Variants in NRG1 observed in about 807,000 individuals in gnomAD.
NRG1 encodes the protein neuregulin 1, also known as pro-neuregulin-1, membrane-bound isoform.
In NRG1, 18 loss-of-function variants were observed where a neutral mutation model predicts 63.8. The observed-to-expected ratio is 0.28, with a 90% confidence interval of 0.19 to 0.42. The LOEUF is 0.42. Ranked by LOEUF, NRG1 falls within the 10% of genes least tolerant of loss-of-function variation. The pLI is 1.00. For synonymous variants in NRG1, 302 were observed against 301.3 expected, an observed-to-expected ratio of 1.00 and a Z score of -0.02; for missense variants, 762 against 814.7, an observed-to-expected ratio of 0.94 and a Z score of 0.79.
At chr8:32,290,344 T>C (rs1256562384) in intron 1 of NRG1, among the ~76,000 whole-genome samples, 2 of 151,910 alleles carry the variant, frequency 1.3e-5, no homozygotes, top group African/African-American at 4.8e-5. Context: ...TATACAATTA[T>C]ATATATATAC....
chr8:32,629,715 T>TA lies in NRG1; in HGVS notation c.502+12830_502+12831insA, dbSNP rs1401688089. Among the ~76,000 whole-genome samples, 5 of 152,326 alleles carry TA rather than the reference T, an allele frequency of 3.3e-5. No homozygotes were observed. In the East Asian group the frequency reaches 9.6e-4, roughly 29 times the overall value. On this transcript the variant is annotated intron_variant, in intron 5 of 11. Coordinates refer to ENST00000356819, the Ensembl canonical transcript of NRG1. ...TTACATCTGGAAGATTTTTTTCATT[T>TA]TATCATAAATACTTGTTTTCATGGT...
At chr8:31,692,813 A>C (rs1809661791) in intron 1 of NRG1, among the ~76,000 whole-genome samples, 1 of 152,196 alleles carries the variant, frequency 6.6e-6, no homozygotes, top group Non-Finnish European at 1.5e-5. Context: ...GCTCAGGACC[A>C]AAAAGAGCCC....
exon 6 of NRG1, chr8:32,728,064 G>A (rs768024564): frequency 9.9e-6 from 16 of 1,613,832 alleles, no homozygotes; most frequent in East Asian, 6.7e-5. Flanking sequence ...CAAACCCCTC[G>A]AGATACTTGT....
chr8:32,044,930 AACAC>A (rs1554610210), intron 1 of NRG1, among the ~76,000 whole-genome samples: 1 of 137,034 alleles, frequency 7.3e-6, no homozygotes, highest in African/African-American at 2.8e-5. Flanking sequence ...AAAAAAAAAA[AACAC>A]ACACACACAA....
chr8:31,852,650 T>C (rs1205633220), intron 1 of NRG1, among the ~76,000 whole-genome samples: 1 of 151,818 alleles, frequency 6.6e-6, no homozygotes, highest in African/African-American at 2.4e-5. Context: ...TTTGTTGCCA[T>C]TGCTTTTGGT....
intron 6 of NRG1, among the ~76,000 whole-genome samples, chr8:32,733,658 C>CT (rs1487455150): frequency 6.6e-6 from 1 of 152,012 alleles, no homozygotes; most frequent in African/African-American, 2.4e-5. Flanking sequence ...TTGCCAGGCA[C>CT]TTTTTAAAAC....
intron 1 of NRG1, among the ~76,000 whole-genome samples, chr8:31,697,534 A>G (rs887723912): frequency 7.2e-5 from 11 of 152,144 alleles, no homozygotes; most frequent in Admixed American, 3.3e-4. Context: ...AAGAACATAT[A>G]TAATATTTTT....
chr8:32,700,882 G>C (rs1034314229), intron 5 of NRG1, among the ~76,000 whole-genome samples: 3 of 151,458 alleles, frequency 2.0e-5, no homozygotes, highest in Admixed American at 2.0e-4. Context: ...CTTCCCTTTA[G>C]ACCCTTGTCA....
chr8:32,247,734 T>G (rs1360570632), intron 1 of NRG1, among the ~76,000 whole-genome samples: 1 of 152,022 alleles, frequency 6.6e-6, no homozygotes, highest in South Asian at 2.1e-4. Flanking sequence ...GAATCTTAGC[T>G]TTTTCAAAAG....
chr8:31,881,183 C>A (rs549281295), intron 1 of NRG1, among the ~76,000 whole-genome samples: 1 of 152,240 alleles, frequency 6.6e-6, no homozygotes, highest in South Asian at 2.1e-4. Flanking sequence ...AGATTTTTGA[C>A]AATCCTATGT....
chr8:32,657,805 A>G (rs951637051), intron 5 of NRG1, among the ~76,000 whole-genome samples: 10 of 152,290 alleles, frequency 6.6e-5, no homozygotes, highest in African/African-American at 2.4e-4. Flanking sequence ...CTACAAAGCA[A>G]ATCTTAAGAA....
At chr8:32,585,055 TTACC>T (rs1253237791) in intron 1 of NRG1, among the ~76,000 whole-genome samples, 1 of 152,148 alleles carries the variant, frequency 6.6e-6, no homozygotes, top group Non-Finnish European at 1.5e-5. Flanking sequence ...TGTGCTAACT[TTACC>T]TAAGCAATAA....
intron 5 of NRG1, among the ~76,000 whole-genome samples, chr8:32,712,202 G>A (rs994382221): frequency 7.9e-5 from 12 of 151,964 alleles, no homozygotes; most frequent in African/African-American, 2.9e-4. Flanking sequence ...CATGCTTCTG[G>A]GACAGAAAAG....
chr8:31,685,905 A>C (rs1808836584), intron 1 of NRG1, among the ~76,000 whole-genome samples: 1 of 152,164 alleles, frequency 6.6e-6, no homozygotes, highest in Non-Finnish European at 1.5e-5. Flanking sequence ...TCAGTTAATG[A>C]ACATTTGGGT....
chr8:31,708,754 G>A (rs915516649), intron 1 of NRG1, among the ~76,000 whole-genome samples: 9 of 152,138 alleles, frequency 5.9e-5, no homozygotes, highest in Non-Finnish European at 1.3e-4. Context: ...CAACATAATT[G>A]TTTTTAAAGC....
intron 5 of NRG1, among the ~76,000 whole-genome samples, chr8:32,707,892 C>T (rs569974823): frequency 6.6e-6 from 1 of 151,802 alleles, no homozygotes; most frequent in African/African-American, 2.4e-5. Flanking sequence ...AAATTAGAGA[C>T]TCTCTTTCTC....
chr8:32,129,750 C>A (rs2131618698), intron 1 of NRG1, among the ~76,000 whole-genome samples: 1 of 152,006 alleles, frequency 6.6e-6, no homozygotes, highest in Middle Eastern at 3.4e-3. Flanking sequence ...AATCAACGTG[C>A]TTGCTTAAAT....
chr8:32,509,026 T>G (rs1828865612), intron 1 of NRG1, among the ~76,000 whole-genome samples: 1 of 150,898 alleles, frequency 6.6e-6, no homozygotes, highest in Non-Finnish European at 1.5e-5. Context: ...TGAGCCACCG[T>G]GCCTGGCCTA....
intron 1 of NRG1, among the ~76,000 whole-genome samples, chr8:32,344,147 A>T (rs1804425716): frequency 2.0e-5 from 3 of 152,214 alleles, no homozygotes; most frequent in African/African-American, 7.2e-5. Flanking sequence ...TCCTCTTCGG[A>T]ATATAGGACA....
Sources: gnomAD v4.1 joint callset for allele counts (sites outside exome capture counted in the v4.1 genomes callset) on GRCh38, gnomAD v4.1.1 for gene constraint, MANE v1.5 for transcripts, NCBI Gene and HGNC (gene_info 2026-07-23, HGNC 2026-07-21) for gene names.